PARD3: variants seen among roughly 807,000 people sequenced by gnomAD.
PARD3 encodes partitioning defective 3 homolog.
A neutral mutation model predicts 155.4 loss-of-function variants in PARD3; 75 were observed. That is an observed-to-expected ratio of 0.48 (90% confidence interval 0.40 to 0.58). PARD3 has a LOEUF of 0.58. Ranked by LOEUF, PARD3 falls within the 20% of genes least tolerant of loss-of-function variation. The pLI is 0.00. For missense variants in PARD3, 1,642 were observed against 1,721.7 expected (o/e 0.95, Z 0.82); for synonymous variants, 576 against 610.5 (o/e 0.94, Z 0.83).
intron 12 of PARD3, among the ~76,000 whole-genome samples, chr10:34,360,684 T>C (rs1302273586): frequency 6.6e-6 from 1 of 152,196 alleles, no homozygotes; most frequent in African/African-American, 2.4e-5. Context: ...ATCAATATAT[T>C]TAATGTTCAC....
chr10:34,674,478 A>AT (rs11402018), intron 2 of PARD3, among the ~76,000 whole-genome samples: 20,245 of 79,496 alleles, frequency 0.25, 4,104 homozygotes, highest in East Asian at 0.41. Context: ...CACGCTCTTG[A>AT]TTTTTTTTTT....
intron 2 of PARD3, among the ~76,000 whole-genome samples, chr10:34,664,696 G>C: frequency 6.6e-6 from 1 of 152,152 alleles, no homozygotes; most frequent in East Asian, 1.9e-4. Flanking sequence ...ATGTTGGCCA[G>C]GCTGGTCTCG....
Position 34,760,698 on chromosome 10 carries a change from T to C in PARD3, c.120+54178A>G, listed in dbSNP as rs149375974. Among the ~76,000 whole-genome samples, 835 of 152,322 alleles carry C rather than the reference T, an allele frequency of 5.5e-3. 9 individuals are homozygous for C. The highest frequency in any genetic ancestry group is 0.019 in the African/African-American group (792 of 41,568). On this transcript the variant is annotated intron_variant, in intron 1 of 24. Coordinates refer to ENST00000374788, the MANE Select transcript of PARD3 (RefSeq NM_001184785.2). ...CTTCCAAATTAGTTTATAAAGAGCATGTGCCTTCTGTTTTAGGCACTCACT... is the reference window on the plus strand; with the variant it reads ...CTTCCAAATTAGTTTATAAAGAGCACGTGCCTTCTGTTTTAGGCACTCACT...
chr10:34,375,044 C>G (rs371454856), intron 10 of PARD3, 42 bp from the exon 11 acceptor site: 14 of 1,238,102 alleles, frequency 1.1e-5, no homozygotes, highest in Non-Finnish European at 1.5e-5. Flanking sequence ...CCTGTGGAAA[C>G]AACAGGAAAA....
intron 5 of PARD3, among the ~76,000 whole-genome samples, chr10:34,412,123 T>C (rs1255733880): frequency 6.6e-6 from 1 of 151,996 alleles, no homozygotes; most frequent in Non-Finnish European, 1.5e-5. Flanking sequence ...TCATCGCACC[T>C]GGCCAATTTT....
At chr10:34,112,706 C>G (rs1479058066) in intron 24 of PARD3, among the ~76,000 whole-genome samples, 1 of 152,202 alleles carries the variant, frequency 6.6e-6, no homozygotes, top group African/African-American at 2.4e-5. Flanking sequence ...GCATCTCCCG[C>G]AGGAATGATG....
intron 2 of PARD3, among the ~76,000 whole-genome samples, chr10:34,656,708 C>A (rs566800498): frequency 6.2e-4 from 94 of 152,188 alleles, no homozygotes; most frequent in Non-Finnish European, 1.2e-3. Context: ...CTTGGATAGT[C>A]TTTTCCATTA....
intron 13 of PARD3, 41 bp downstream of exon 13, chr10:34,360,030 T>C (rs1383798695): frequency 6.7e-7 from 1 of 1,492,494 alleles, no homozygotes; most frequent in Admixed American, 1.8e-5. Flanking sequence ...GAAATTAAAA[T>C]TTTTGTTAAT....
At chr10:34,806,759 G>T (rs1843445384) in intron 1 of PARD3, among the ~76,000 whole-genome samples, 1 of 152,246 alleles carries the variant, frequency 6.6e-6, no homozygotes, top group Admixed American at 6.5e-5. Context: ...GAAGCAGTAA[G>T]AGGTCCTGGA....
chr10:34,611,246 T>C (rs968870739), intron 2 of PARD3, among the ~76,000 whole-genome samples: 3 of 152,340 alleles, frequency 2.0e-5, no homozygotes, highest in African/African-American at 7.2e-5. Context: ...TTCAAAGGTA[T>C]TCTCTGTTTA....
intron 7 of PARD3, 106 bp downstream of exon 7, chr10:34,399,224 T>C: frequency 1.3e-6 from 1 of 751,922 alleles, no homozygotes; most frequent in Admixed American, 2.1e-5. Flanking sequence ...AATGAGAATG[T>C]TTCCTATTAA....
rs771996927 is a variant in PARD3, at chr10:34,337,312, G to T, written c.2523C>A (p.Phe841Leu). Residue 841 changes from phenylalanine (F) to leucine (L), a missense_variant, in exon 17 of 25, where the codon TTC (phenylalanine) becomes TTA (leucine). By Grantham distance (22) the Phe-to-Leu change is conservative (BLOSUM62 0). This residue lies in a region of PARD3 where 1,529 missense variants were observed against 1,587.3 expected (regional missense o/e 0.96). Transcript: ENST00000374788. ...TGCTTTTTGATTTTCGTGTTTTAAC[G>T]AAATCCAATTGACTGGCATCTGAAA... ...KQFSDASQLD[F>L]VKTRKSKSMD... The T allele has an allele frequency of 6.3e-7, 1 of 1,599,650 alleles. No homozygotes were observed. Among genetic ancestry groups the T allele is most frequent in the Non-Finnish European group, 8.5e-7 (1 of 1,173,368 alleles).
At chr10:34,798,775 G>T (rs577696863) in intron 1 of PARD3, among the ~76,000 whole-genome samples, 1 of 151,442 alleles carries the variant, frequency 6.6e-6, no homozygotes, top group Non-Finnish European at 1.5e-5. Flanking sequence ...CTTTGAGCAT[G>T]CTGGCTGATC....
In PARD3 at chr10:34,340,739, T is replaced by C. The variant is rs1490767854; in HGVS notation, c.2408+888A>G. On this transcript the variant is annotated intron_variant, in intron 16 of 24. Coordinates refer to ENST00000374788, the MANE Select transcript of PARD3 (RefSeq NM_001184785.2). ...CACTAAAAATGTTAACGCAAATAAA[T>C]GCCAGTCCCCCAGACACCTCCTATC... 2.0e-5 allele frequency among the ~76,000 whole-genome samples: 3 copies of C among 152,162 alleles called. No homozygotes were observed. The South Asian group carries it at 6.2e-4, about 32-fold the overall frequency.
rs77616732 is a variant in PARD3, at chr10:34,671,736, T to C, written c.222+24582A>G. Among the ~76,000 whole-genome samples, 607 of 152,342 alleles carry C rather than the reference T, an allele frequency of 4.0e-3. 2 individuals carry two copies. The highest frequency in any genetic ancestry group is 6.8e-3 in the Non-Finnish European group (460 of 68,032). The stretch of plus-strand genomic sequence containing the variant: ...TTTTCACAGTTAATGTAAGTTGTTC[T>C]ATCTATCGCAAAGATCAGCATTAAC... On this transcript the variant is annotated intron_variant, in intron 2 of 24. Coordinates refer to ENST00000374788, the MANE Select transcript of PARD3 (RefSeq NM_001184785.2).
chr10:34,222,292 G>A (rs758301919), intron 22 of PARD3, among the ~76,000 whole-genome samples: 6 of 152,098 alleles, frequency 3.9e-5, no homozygotes, highest in Non-Finnish European at 7.4e-5. Context: ...AGCTAGCACC[G>A]ACCAGCAGCC....
In PARD3 at chr10:34,315,553, C is replaced by T. The variant is rs576131852; in HGVS notation, c.3065+1554G>A. On this transcript the variant is annotated intron_variant, in intron 20 of 24. Coordinates refer to ENST00000374788, the MANE Select transcript of PARD3 (RefSeq NM_001184785.2). ...GGGGAAGGTTTCTCCCATCTCTAAC[C>T]CTGTAATTTGAAGAAGACAGTAGTA... Among the ~76,000 whole-genome samples, 244 of 152,198 alleles carry T rather than the reference C, an allele frequency of 1.6e-3. 3 individuals carry two copies. Among genetic ancestry groups the T allele is most frequent in the African/African-American group, 5.6e-3 (234 of 41,502 alleles).
chr10:34,601,080 G>A (rs1365316167), intron 2 of PARD3, among the ~76,000 whole-genome samples: 1 of 136,790 alleles, frequency 7.3e-6, no homozygotes, highest in South Asian at 2.4e-4. Context: ...CAAAGTGCAC[G>A]CATTACAGGC....
intron 1 of PARD3, among the ~76,000 whole-genome samples, chr10:34,777,229 A>G (rs892364419): frequency 2.0e-5 from 3 of 151,900 alleles, no homozygotes; most frequent in South Asian, 2.1e-4. Flanking sequence ...ACATCTTCCT[A>G]TGTGACAAAG....
Sources: gnomAD v4.1 joint callset for allele counts (sites outside exome capture counted in the v4.1 genomes callset) on GRCh38, gnomAD v4.1.1 for gene constraint, gnomAD v4.1.1 regional missense constraint, MANE v1.5 for transcripts, NCBI Gene and HGNC (gene_info 2026-07-23, HGNC 2026-07-21) for gene names.